Variants in BMPR1B observed in about 807,000 individuals in gnomAD.
BMPR1B encodes the protein bone morphogenetic protein receptor type-1B.
Under a neutral mutation model 59.1 loss-of-function variants are expected in BMPR1B, and 12 were observed. The observed-to-expected ratio is 0.20, with a 90% CI of 0.13 to 0.33. BMPR1B has a LOEUF of 0.33. Ranked by LOEUF, BMPR1B falls within the 10% of genes least tolerant of loss-of-function variation. The probability of loss-of-function intolerance (pLI) is 1.00; values close to 1 mark genes in which losing one functional copy is unlikely to be tolerated. For synonymous variants in BMPR1B, 237 were observed against 207.3 expected (o/e 1.14, Z -1.23); for missense variants, 550 against 610.9 (o/e 0.90, Z 1.05).
intron 2 of BMPR1B, among the ~76,000 whole-genome samples, chr4:94,881,812 G>A (rs1291644612): frequency 6.6e-6 from 1 of 152,078 alleles, no homozygotes; most frequent in Non-Finnish European, 1.5e-5. Flanking sequence ...CATAAAATAA[G>A]GCTATTGGTT....
At chr4:94,866,442 C>G (rs534027291) in intron 1 of BMPR1B, among the ~76,000 whole-genome samples, 2 of 152,142 alleles carry the variant, frequency 1.3e-5, no homozygotes, top group African/African-American at 4.8e-5. Context: ...TCTTTTTCAT[C>G]CCTGCTAAAC....
chr4:94,861,673 CT>C (rs1001562142), intron 1 of BMPR1B, among the ~76,000 whole-genome samples: 1 of 152,092 alleles, frequency 6.6e-6, no homozygotes, highest in Non-Finnish European at 1.5e-5. Flanking sequence ...AGAAATTAGG[CT>C]TTATGATATT....
At chr4:95,088,703 TA>T (rs1205012828) in intron 3 of BMPR1B, among the ~76,000 whole-genome samples, 1 of 152,108 alleles carries the variant, frequency 6.6e-6, no homozygotes, top group Admixed American at 6.6e-5. Context: ...AGAAAGAAAC[TA>T]AAAAACTTCA....
intron 3 of BMPR1B, among the ~76,000 whole-genome samples, chr4:95,010,611 A>C (rs1461448019): frequency 6.6e-6 from 1 of 152,176 alleles, no homozygotes; most frequent in African/African-American, 2.4e-5. Context: ...CCGTATGAAA[A>C]TTGGTTAGTT....
chr4:94,978,762 C>G (rs1323529263), intron 2 of BMPR1B, among the ~76,000 whole-genome samples: 2 of 152,104 alleles, frequency 1.3e-5, no homozygotes, highest in Non-Finnish European at 2.9e-5. Context: ...TAGTGGCCAT[C>G]TGTATTGGTC....
chr4:95,014,901 A>C (rs1218249214), intron 3 of BMPR1B, among the ~76,000 whole-genome samples: 1 of 152,106 alleles, frequency 6.6e-6, no homozygotes, highest in African/African-American at 2.4e-5. Context: ...TAGCAGGGCT[A>C]TGGGGTGGAG....
At chr4:94,833,303 T>G (rs1184331422) in intron 1 of BMPR1B, among the ~76,000 whole-genome samples, 1 of 152,152 alleles carries the variant, frequency 6.6e-6, no homozygotes, top group Non-Finnish European at 1.5e-5. Context: ...TGGCACATAG[T>G]AGATAATCAG....
At chr4:95,057,405 C>G (rs1560622368) in intron 3 of BMPR1B, among the ~76,000 whole-genome samples, 1 of 152,042 alleles carries the variant, frequency 6.6e-6, no homozygotes, top group Non-Finnish European at 1.5e-5. Context: ...CCACCACGCC[C>G]AGCTATTTTT....
chr4:94,838,710 G>C (rs1724922639), intron 1 of BMPR1B, among the ~76,000 whole-genome samples: 1 of 137,598 alleles, frequency 7.3e-6, no homozygotes, highest in African/African-American at 2.8e-5. Context: ...CAAAAAACCA[G>C]CTCCTGGATT....
chr4:94,880,015 ATT>A (rs1328606698), intron 2 of BMPR1B, among the ~76,000 whole-genome samples: 1 of 152,162 alleles, frequency 6.6e-6, no homozygotes, highest in African/African-American at 2.4e-5. Context: ...GTAACAAAAT[ATT>A]TTTATGGAAC....
At chr4:95,080,995 C>A (rs1278017606) in intron 3 of BMPR1B, among the ~76,000 whole-genome samples, 1 of 152,118 alleles carries the variant, frequency 6.6e-6, no homozygotes, top group Non-Finnish European at 1.5e-5. Flanking sequence ...CCATAATCCC[C>A]ACATATGTCA....
chr4:94,762,736 G>A (rs1721826236), intron 1 of BMPR1B, among the ~76,000 whole-genome samples: 1 of 152,172 alleles, frequency 6.6e-6, no homozygotes, highest in Non-Finnish European at 1.5e-5. Flanking sequence ...CCATGTGGGT[G>A]GCTATGAAAA....
intron 2 of BMPR1B, among the ~76,000 whole-genome samples, chr4:94,893,724 A>C (rs746121923): frequency 1.3e-5 from 2 of 152,098 alleles, no homozygotes; most frequent in East Asian, 3.9e-4. Context: ...TTCCTATAAA[A>C]TGGTGTTCTG....
At chr4:94,855,245 TC>T (rs1421063592) in intron 1 of BMPR1B, among the ~76,000 whole-genome samples, 1 of 152,168 alleles carries the variant, frequency 6.6e-6, no homozygotes, top group Non-Finnish European at 1.5e-5. Flanking sequence ...TTACTTGCCT[TC>T]TCTCTCATTT....
At chr4:94,988,377 A>G (rs1203468558) in intron 2 of BMPR1B, among the ~76,000 whole-genome samples, 1 of 152,094 alleles carries the variant, frequency 6.6e-6, no homozygotes, top group Non-Finnish European at 1.5e-5. Context: ...GATGCTTTTC[A>G]TTCTTCATTA....
At chr4:95,015,713 A>ATTTTTTT (rs1723538569) in intron 3 of BMPR1B, among the ~76,000 whole-genome samples, 12 of 140,284 alleles carry the variant, frequency 8.6e-5, no homozygotes, top group African/African-American at 3.3e-4. Flanking sequence ...TTTTTTTTTG[A>ATTTTTTT]GACAGAGTCT....
At chr4:94,918,862 A>G (rs776144648) in intron 2 of BMPR1B, among the ~76,000 whole-genome samples, 1 of 152,012 alleles carries the variant, frequency 6.6e-6, no homozygotes, top group Non-Finnish European at 1.5e-5. Flanking sequence ...CAGGGAACTT[A>G]CTTCTCCTGT....
intron 1 of BMPR1B, among the ~76,000 whole-genome samples, chr4:94,820,585 A>G (rs1052440698): frequency 6.6e-6 from 1 of 152,246 alleles, no homozygotes; most frequent in Non-Finnish European, 1.5e-5. Context: ...ATTTGCAACA[A>G]CAGAAGCCTT....
At chr4:94,972,506 G>A (rs1236115392) in intron 2 of BMPR1B, among the ~76,000 whole-genome samples, 1 of 151,744 alleles carries the variant, frequency 6.6e-6, no homozygotes, top group Non-Finnish European at 1.5e-5. Flanking sequence ...TATATTGTAT[G>A]TGTTTCTGTA....
Sources: gnomAD v4.1 joint callset for allele counts (sites outside exome capture counted in the v4.1 genomes callset) on GRCh38, gnomAD v4.1.1 for gene constraint, MANE v1.5 for transcripts, NCBI Gene and HGNC (gene_info 2026-07-23, HGNC 2026-07-21) for gene names.